Variants in RIT2 observed in about 807,000 individuals in gnomAD.
RIT2 encodes the protein Ras like without CAAX 2.
RIT2 carries 24 observed loss-of-function variants against 23.7 expected under a neutral mutation model. The observed-to-expected ratio is 1.01, with a 90% CI of 0.73 to 1.43. The LOEUF is 1.43. Among genes scored for constraint, RIT2 ranks in the 40% most tolerant of loss-of-function variants. RIT2 has a pLI of 0.00. For missense variants in RIT2, 236 were observed against 266.9 expected (o/e 0.88, Z 0.81); for synonymous variants, 107 against 91.1 (o/e 1.17, Z -0.99).
intron 4 of RIT2, among the ~76,000 whole-genome samples, chr18:42,911,673 A>T (rs1185282280): frequency 1.3e-5 from 2 of 152,036 alleles, no homozygotes; most frequent in African/African-American, 4.8e-5. Context: ...CTTTACACTC[A>T]TCAGTTCAGT....
chr18:42,801,863 C>T (rs1324389354), intron 4 of RIT2, among the ~76,000 whole-genome samples: 1 of 152,164 alleles, frequency 6.6e-6, no homozygotes, highest in Non-Finnish European at 1.5e-5. Context: ...TAACTGGATG[C>T]TAGTGCTACC....
At position 42,772,912 on chromosome 18, in the gene RIT2, G is replaced by A. The variant is rs188665574; in HGVS notation, c.427-29192C>T. ...GCTGCTGCTGCACACCAGGTCTAGT[G>A]AGACCTTGGGAGAACCATGGGTCTG... On this transcript the variant is annotated intron_variant, in intron 4 of 4. Transcript: ENST00000326695. Among the ~76,000 whole-genome samples the A allele has an allele frequency of 1.6e-3, 250 of 152,254 alleles. 2 individuals carry two copies. Among genetic ancestry groups the A allele is most frequent in the African/African-American group, 5.7e-3 (237 of 41,550 alleles).
chr18:42,928,972 T>C (rs890073690), intron 3 of RIT2, among the ~76,000 whole-genome samples: 3 of 146,410 alleles, frequency 2.0e-5, no homozygotes, highest in African/African-American at 5.0e-5. Flanking sequence ...CACTTATATA[T>C]GACAGGCATG....
At chr18:43,056,967 C>G (rs1912517203) in intron 1 of RIT2, among the ~76,000 whole-genome samples, 1 of 143,554 alleles carries the variant, frequency 7.0e-6, no homozygotes, top group Non-Finnish European at 1.5e-5. Context: ...TTTTCTTTTC[C>G]CTGGTGTGAG....
intron 4 of RIT2, among the ~76,000 whole-genome samples, chr18:42,780,943 C>A (rs9960917): frequency 0.19 from 29,316 of 151,406 alleles, 3,150 homozygotes; most frequent in African/African-American, 0.28. Flanking sequence ...CTATTATCAT[C>A]TCTATTTTAT....
chr18:42,827,554 A>G (rs1210975248), intron 4 of RIT2, among the ~76,000 whole-genome samples: 2 of 152,274 alleles, frequency 1.3e-5, no homozygotes, highest in African/African-American at 2.4e-5. Flanking sequence ...TTTCCAGCAT[A>G]AAAAAGAAAA....
At position 43,020,220 on chromosome 18, in the gene RIT2, C is replaced by T. The variant is rs186665333; in HGVS notation, c.160+13591G>A. 2.6e-5 allele frequency among the ~76,000 whole-genome samples: 4 copies of T among 152,214 alleles called. No individual in the cohort carries two copies. In the East Asian group the frequency reaches 5.8e-4, roughly 22 times the overall value. ...GCATATGAGGCCAGGCACAGTTGCT[C>T]ACGCCTGTAATCCCAGCACTTTGGA... On this transcript the variant is annotated intron_variant, in intron 2 of 4. Transcript: ENST00000326695.
At chr18:42,892,643 A>C (rs1344596525) in intron 4 of RIT2, among the ~76,000 whole-genome samples, 1 of 152,348 alleles carries the variant, frequency 6.6e-6, no homozygotes, top group African/African-American at 2.4e-5. Context: ...CATTTGACAA[A>C]TAAAGCAGCT....
chr18:43,003,102 T>C (rs1450977619), intron 2 of RIT2, among the ~76,000 whole-genome samples: 1 of 151,956 alleles, frequency 6.6e-6, no homozygotes, highest in East Asian at 1.9e-4. Flanking sequence ...GAACTCAGGC[T>C]GGCTGGTACC....
At chr18:42,759,471 C>T (rs910679409) in intron 4 of RIT2, among the ~76,000 whole-genome samples, 2 of 151,948 alleles carry the variant, frequency 1.3e-5, no homozygotes, top group Admixed American at 6.6e-5. Context: ...CTTTTTATTA[C>T]CCTGTCTCTT....
At chr18:42,931,063 C>T (rs529206228) in intron 3 of RIT2, among the ~76,000 whole-genome samples, 1 of 152,014 alleles carries the variant, frequency 6.6e-6, no homozygotes, top group Non-Finnish European at 1.5e-5. Context: ...ATTGTAATTA[C>T]GTGTGTTTTA....
chr18:42,989,947 TAC>T (rs1910800652), intron 2 of RIT2, among the ~76,000 whole-genome samples: 1 of 152,036 alleles, frequency 6.6e-6, no homozygotes, highest in Non-Finnish European at 1.5e-5. Flanking sequence ...TAGATATATG[TAC>T]ACACACACAT....
chr18:43,049,244 G>A (rs995021374), intron 1 of RIT2, among the ~76,000 whole-genome samples: 2 of 152,248 alleles, frequency 1.3e-5, no homozygotes, highest in Admixed American at 6.5e-5. Flanking sequence ...AAGAACTACC[G>A]GGAAGTTGTC....
rs1351677021 is a variant in RIT2 at position 42,908,194 on chromosome 18, GA to G, written c.426+15377del. On this transcript the variant is annotated intron_variant, in intron 4 of 4. Coordinates refer to ENST00000326695, the MANE Select transcript of RIT2 (RefSeq NM_002930.4). ...TTAATAGTAGAGTGGAAAAGACACA[GA>G]AAAAAATCAGTGAAATTGAAGACAA... Among the ~76,000 whole-genome samples the G allele has an allele frequency of 1.3e-5, 2 of 149,786 alleles. 1 individual carries two copies. The highest frequency in any genetic ancestry group is 3.0e-5 in the Non-Finnish European group (2 of 67,424).
At chr18:43,050,026 G>A (rs1157684427) in intron 1 of RIT2, among the ~76,000 whole-genome samples, 2 of 69,640 alleles carry the variant, frequency 2.9e-5, no homozygotes, top group African/African-American at 1.3e-4. Context: ...ACTCAGAATT[G>A]CTTTTTATTT....
intron 4 of RIT2, among the ~76,000 whole-genome samples, chr18:42,775,848 A>AAC (rs1373865719): frequency 5.5e-5 from 7 of 127,180 alleles, no homozygotes; most frequent in South Asian, 2.7e-4. Flanking sequence ...AGAAGAAACT[A>AAC]ACACACACAC....
At chr18:42,806,151 A>T (rs1905678609) in intron 4 of RIT2, among the ~76,000 whole-genome samples, 1 of 148,678 alleles carries the variant, frequency 6.7e-6, no homozygotes, top group African/African-American at 2.4e-5. Context: ...CATTAAAAGC[A>T]TTCTTAAATT....
At chr18:42,865,241 T>C (rs1380443292) in intron 4 of RIT2, among the ~76,000 whole-genome samples, 1 of 152,168 alleles carries the variant, frequency 6.6e-6, no homozygotes, top group Non-Finnish European at 1.5e-5. Context: ...TAGCTGGCCA[T>C]CCCAATGTGT....
At chr18:42,996,542 A>T (rs4510112) in intron 2 of RIT2, among the ~76,000 whole-genome samples, 146,725 of 152,044 alleles carry the variant, frequency 0.97, 71,010 homozygotes, top group South Asian at 1. Context: ...ACTGATGACA[A>T]TATCTTGTGA....
Sources: allele counts gnomAD v4.1 joint callset (sites outside exome capture counted in the v4.1 genomes callset), GRCh38; gene constraint gnomAD v4.1.1; transcripts MANE v1.5; gene names NCBI Gene and HGNC (gene_info 2026-07-23, HGNC 2026-07-21).